The following NRXN3 variants were observed in gnomAD, a reference collection of about 807,000 sequenced individuals.
NRXN3 encodes the protein neurexin III.
Under a neutral mutation model 137.6 loss-of-function variants are expected in NRXN3, and 32 were observed. The ratio of observed to expected loss-of-function variants is 0.23; its 90% CI spans 0.18 to 0.31. The LOEUF (loss-of-function observed/expected upper bound fraction) is 0.31. Among genes scored for constraint, NRXN3 ranks in the 10% least tolerant of loss-of-function variants. The probability of loss-of-function intolerance (pLI) is 1.00; values close to 1 mark genes in which losing one functional copy is unlikely to be tolerated. For synonymous variants in NRXN3, 798 were observed against 784.5 expected (o/e 1.02, Z -0.29); for missense variants, 1,574 against 2,062.5 (o/e 0.76, Z 4.59).
chr14:79,322,578 C>G (rs1184530815), intron 15 of NRXN3, among the ~76,000 whole-genome samples: 1 of 152,086 alleles, frequency 6.6e-6, no homozygotes, highest in East Asian at 1.9e-4. Context: ...ATTAATTTCT[C>G]AAGGTCATGG....
intron 15 of NRXN3, among the ~76,000 whole-genome samples, chr14:79,206,611 TG>T (rs1428115954): frequency 2.6e-5 from 4 of 152,236 alleles, no homozygotes; most frequent in Non-Finnish European, 5.9e-5. Flanking sequence ...CACCTTTTCT[TG>T]TGACAACCCT....
chr14:78,318,918 C>T (rs866193857), intron 4 of NRXN3, among the ~76,000 whole-genome samples: 5 of 152,184 alleles, frequency 3.3e-5, no homozygotes, highest in Admixed American at 1.3e-4. Context: ...AATGTGCACC[C>T]GAATCATCTG....
At chr14:79,502,064 T>A (rs1312532171) in intron 16 of NRXN3, among the ~76,000 whole-genome samples, 1 of 152,190 alleles carries the variant, frequency 6.6e-6, no homozygotes, top group African/African-American at 2.4e-5. Context: ...ATTTGTCCTT[T>A]TTTGTCATAA....
chr14:78,446,196 G>T (rs1462686252), intron 4 of NRXN3, among the ~76,000 whole-genome samples: 1 of 152,174 alleles, frequency 6.6e-6, no homozygotes, highest in Non-Finnish European at 1.5e-5. Flanking sequence ...CGCAAGTTTT[G>T]TTCGCTTTAG....
chr14:78,451,723 C>G (rs906288136), intron 4 of NRXN3, among the ~76,000 whole-genome samples: 1 of 152,182 alleles, frequency 6.6e-6, no homozygotes, highest in African/African-American at 2.4e-5. Flanking sequence ...TGCGTAGGCA[C>G]GTAGAGGACA....
intron 10 of NRXN3, among the ~76,000 whole-genome samples, chr14:78,906,962 A>G (rs1246338815): frequency 6.6e-6 from 1 of 152,002 alleles, no homozygotes; most frequent in Non-Finnish European, 1.5e-5. Flanking sequence ...ATGGTAAAAT[A>G]ATTCGCTCAA....
At chr14:79,450,562 G>T (rs1310336905) in intron 15 of NRXN3, among the ~76,000 whole-genome samples, 1 of 147,692 alleles carries the variant, frequency 6.8e-6, no homozygotes, top group East Asian at 1.9e-4. Context: ...ATTATGATTT[G>T]TCAATTAAAA....
chr14:78,807,645 G>T (rs564003699), intron 9 of NRXN3, among the ~76,000 whole-genome samples: 1 of 150,432 alleles, frequency 6.6e-6, no homozygotes, highest in Non-Finnish European at 1.5e-5. Flanking sequence ...TGAGGCAGGA[G>T]AATCGCTTGA....
At chr14:79,393,164 A>G (rs1458234371) in intron 15 of NRXN3, among the ~76,000 whole-genome samples, 1 of 152,052 alleles carries the variant, frequency 6.6e-6, no homozygotes, top group African/African-American at 2.4e-5. Flanking sequence ...ATTAAGGGTG[A>G]AGTCTTTGCT....
At chr14:78,734,465 G>A (rs1411804000) in intron 8 of NRXN3, among the ~76,000 whole-genome samples, 1 of 152,192 alleles carries the variant, frequency 6.6e-6, no homozygotes, top group Non-Finnish European at 1.5e-5. Context: ...CTAACTGCCA[G>A]ATACCATGCT....
intron 16 of NRXN3, among the ~76,000 whole-genome samples, chr14:79,593,727 C>T (rs2097834133): frequency 6.6e-6 from 1 of 151,876 alleles, no homozygotes; most frequent in African/African-American, 2.4e-5. Flanking sequence ...GATCCACTGC[C>T]ACTCCAGAAT....
intron 4 of NRXN3, among the ~76,000 whole-genome samples, chr14:78,557,332 G>C (rs890590899): frequency 3.3e-5 from 5 of 151,582 alleles, no homozygotes; most frequent in Admixed American, 6.6e-5. Flanking sequence ...GGGATCACAG[G>C]TTCAAGCCAC....
At chr14:79,144,449 C>A (rs934316742) in intron 15 of NRXN3, among the ~76,000 whole-genome samples, 1 of 152,122 alleles carries the variant, frequency 6.6e-6, no homozygotes, top group Non-Finnish European at 1.5e-5. Context: ...TAGAATGTCT[C>A]CCTAAATCAT....
intron 15 of NRXN3, among the ~76,000 whole-genome samples, chr14:79,126,255 G>A (rs983802731): frequency 1.2e-3 from 179 of 151,670 alleles, no homozygotes; most frequent in South Asian, 1.7e-3. Flanking sequence ...TACATGTGCC[G>A]TGCTGGTGCG....
At chr14:79,448,741 T>A (rs1251681998) in intron 15 of NRXN3, among the ~76,000 whole-genome samples, 2 of 152,176 alleles carry the variant, frequency 1.3e-5, no homozygotes, top group Non-Finnish European at 2.9e-5. Context: ...ATGTACACAC[T>A]TATGTATATA....
chr14:79,186,879 A>G (rs2063601947), intron 15 of NRXN3, among the ~76,000 whole-genome samples: 1 of 152,214 alleles, frequency 6.6e-6, no homozygotes, highest in African/African-American at 2.4e-5. Context: ...AACAACATTT[A>G]TATAGAGGCA....
intron 4 of NRXN3, among the ~76,000 whole-genome samples, chr14:78,325,082 C>T (rs950605263): frequency 1.2e-4 from 18 of 151,890 alleles, no homozygotes; most frequent in African/African-American, 4.4e-4. Context: ...CAGGCAAGGA[C>T]AAATGGAGGG....
chr14:79,777,167 T>C (rs2139997218), intron 19 of NRXN3, among the ~76,000 whole-genome samples: 1 of 152,314 alleles, frequency 6.6e-6, no homozygotes, highest in African/African-American at 2.4e-5. Context: ...GTTAGCCTCT[T>C]ATGAACTCTA....
At chr14:79,768,112 G>T (rs534902783) in intron 19 of NRXN3, among the ~76,000 whole-genome samples, 2 of 152,190 alleles carry the variant, frequency 1.3e-5, no homozygotes, top group Non-Finnish European at 2.9e-5. Context: ...CACCTGGCTC[G>T]GAGGGTCCTA....
Sources: allele counts gnomAD v4.1 joint callset (sites outside exome capture counted in the v4.1 genomes callset), GRCh38; gene constraint gnomAD v4.1.1; transcripts MANE v1.5; gene names NCBI Gene and HGNC (gene_info 2026-07-23, HGNC 2026-07-21).